HMGA2: variants seen among roughly 807,000 people sequenced by gnomAD.
HMGA2 encodes the protein high mobility group protein HMGI-C.
A neutral mutation model predicts 19.1 loss-of-function variants in HMGA2; 8 were observed. The observed-to-expected ratio is 0.42, with a 90% confidence interval of 0.25 to 0.76. The LOEUF is 0.76. Among genes scored for constraint, HMGA2 ranks in the 30% least tolerant of loss-of-function variants. The pLI, the probability that HMGA2 is intolerant of heterozygous loss-of-function variation, is 0.28. For synonymous variants in HMGA2, 60 were observed against 48.8 expected (o/e 1.23, Z -0.96); for missense variants, 109 against 136.3 (o/e 0.80, Z 1.00).
chr12:65,892,768 A>G (rs1486920477), intron 3 of HMGA2, among the ~76,000 whole-genome samples: 1 of 152,126 alleles, frequency 6.6e-6, no homozygotes, highest in African/African-American at 2.4e-5. Context: ...TCCTGTTGTT[A>G]AAACTTAAAA....
At chr12:65,884,410 C>T (rs1426402970) in intron 3 of HMGA2, among the ~76,000 whole-genome samples, 1 of 152,134 alleles carries the variant, frequency 6.6e-6, no homozygotes, top group Non-Finnish European at 1.5e-5. Context: ...GACACTCAGC[C>T]TGTATTTGCA....
chr12:65,829,229 A>G (rs1870369285), intron 2 of HMGA2, among the ~76,000 whole-genome samples: 1 of 152,090 alleles, frequency 6.6e-6, no homozygotes. Flanking sequence ...AGTTACTCTG[A>G]GTTCTTGTCT....
At chr12:65,887,089 G>A (rs1255407214) in intron 3 of HMGA2, among the ~76,000 whole-genome samples, 2 of 152,062 alleles carry the variant, frequency 1.3e-5, no homozygotes, top group African/African-American at 4.8e-5. Flanking sequence ...TAAATGATGC[G>A]TTTTCTATAA....
At chr12:65,864,571 A>G (rs968722040) in intron 3 of HMGA2, among the ~76,000 whole-genome samples, 2 of 152,158 alleles carry the variant, frequency 1.3e-5, no homozygotes, top group Admixed American at 1.3e-4. Context: ...AATGCTCACA[A>G]TTTTTGTAAT....
At chr12:65,888,335 G>C (rs1873746689) in intron 3 of HMGA2, among the ~76,000 whole-genome samples, 1 of 151,210 alleles carries the variant, frequency 6.6e-6, no homozygotes, top group African/African-American at 2.4e-5. Context: ...GTGCGCCTAT[G>C]ATCCCAGCTA....
At chr12:65,943,490 A>C (rs1051053843) in intron 3 of HMGA2, among the ~76,000 whole-genome samples, 3 of 152,322 alleles carry the variant, frequency 2.0e-5, no homozygotes, top group East Asian at 1.9e-4. Flanking sequence ...CTCATCCTTG[A>C]GCAGATGAAA....
At chr12:65,960,044 C>T (rs977528309) in intron 4 of HMGA2, among the ~76,000 whole-genome samples, 2 of 152,138 alleles carry the variant, frequency 1.3e-5, no homozygotes, top group African/African-American at 4.8e-5. Flanking sequence ...TGCCCGCCAC[C>T]ACGCCTGGCT....
chr12:65,952,244 C>A, intron 4 of HMGA2: 2 of 720,972 alleles, frequency 2.8e-6, no homozygotes, highest in South Asian at 1.7e-5. Flanking sequence ...AAGTAGTAAG[C>A]AGTGTCATGA....
intron 2 of HMGA2, among the ~76,000 whole-genome samples, chr12:65,833,238 T>G (rs925801668): frequency 6.6e-6 from 1 of 152,248 alleles, no homozygotes; most frequent in African/African-American, 2.4e-5. Context: ...CTTAGTGGGA[T>G]TGATTCGTAG....
Position 65,824,713 on chromosome 12 carries a change from T to TTCTCTTCTCTCTCTCTC in HMGA2, c.-553_-552insTCTCTCTCTCTCTCTCT. ...CCAAGGCACTTTCAATCTCAATCTC[T>TTCTCTTCTCTCTCTCTC]TCTCTCTCTCTCTCTCTCTCTCTCT... On this transcript the variant is annotated 5_prime_UTR_variant, in exon 1 of 5. Transcript: ENST00000403681. 2 of 141,660 alleles carry TTCTCTTCTCTCTCTCTC rather than the reference T, an allele frequency of 1.4e-5. No individual in the cohort carries two copies. The highest frequency in any genetic ancestry group is 1.6e-4 in the East Asian group (2 of 12,492). The allele number at this position is 141,660 out of a possible 1,614,324, so 8.8% of individuals were successfully genotyped here. A position where few individuals can be genotyped will look rare whatever the true frequency, so the allele number is the denominator to read the frequency against.
chr12:65,876,073 T>C (rs1300242853), intron 3 of HMGA2, among the ~76,000 whole-genome samples: 1 of 152,162 alleles, frequency 6.6e-6, no homozygotes, highest in African/African-American at 2.4e-5. Flanking sequence ...TTCAACAAAA[T>C]TGCTTCTTTG....
At chr12:65,906,164 A>G (rs1375228269) in intron 3 of HMGA2, among the ~76,000 whole-genome samples, 3 of 152,182 alleles carry the variant, frequency 2.0e-5, no homozygotes, top group African/African-American at 7.2e-5. Context: ...TCTCTTTTGC[A>G]TCCAATAAAC....
chr12:65,912,907 G>GTTA (rs1874907232), intron 3 of HMGA2, among the ~76,000 whole-genome samples: 1 of 152,102 alleles, frequency 6.6e-6, no homozygotes, highest in African/African-American at 2.4e-5. Flanking sequence ...AGTTAAAATA[G>GTTA]AAACTGTTTT....
intron 3 of HMGA2, chr12:65,842,453 C>T (rs1418033022): frequency 2.8e-6 from 2 of 704,938 alleles, no homozygotes; most frequent in Non-Finnish European, 4.8e-6. Context: ...AATGAAGTAA[C>T]AGAGTTATAT....
intron 3 of HMGA2, among the ~76,000 whole-genome samples, chr12:65,855,001 C>G (rs1270758116): frequency 1.3e-5 from 2 of 152,208 alleles, no homozygotes; most frequent in African/African-American, 4.8e-5. Context: ...CACTTTTGTA[C>G]TGCATTCAGA....
chr12:65,833,413 GT>G (rs11327522), intron 2 of HMGA2, among the ~76,000 whole-genome samples: 49,950 of 143,284 alleles, frequency 0.35, 13,637 homozygotes, highest in African/African-American at 0.77. Context: ...TATTTTTCTA[GT>G]TTTTTTTTTT....
chr12:65,834,760 T>G (rs925417191), intron 2 of HMGA2, among the ~76,000 whole-genome samples: 3 of 152,180 alleles, frequency 2.0e-5, no homozygotes, highest in Non-Finnish European at 4.4e-5. Context: ...CTAATTAGTT[T>G]TTAAAATATG....
chr12:65,849,808 TC>T (rs138329526), intron 3 of HMGA2, among the ~76,000 whole-genome samples: 5,844 of 137,136 alleles, frequency 0.043, 347 homozygotes, highest in African/African-American at 0.15. Context: ...AACCTCCGCC[TC>T]CCGGGTTCAG....
chr12:65,842,586 T>C, intron 3 of HMGA2: 4 of 1,530,080 alleles, frequency 2.6e-6, no homozygotes, highest in Non-Finnish European at 3.5e-6. Flanking sequence ...CTCTTTGCTA[T>C]TAAGGAGGAG....
Sources: gnomAD v4.1 joint callset for allele counts (sites outside exome capture counted in the v4.1 genomes callset) on GRCh38, gnomAD v4.1.1 for gene constraint, MANE v1.5 for transcripts, NCBI Gene and HGNC (gene_info 2026-07-23, HGNC 2026-07-21) for gene names.